The following GNAI1 variants were observed in gnomAD, a reference collection of about 807,000 sequenced individuals.
The protein encoded by GNAI1 is G protein subunit alpha i1.
GNAI1 carries 11 observed loss-of-function variants against 38.9 expected under a neutral mutation model. That is an observed-to-expected ratio of 0.28 (90% confidence interval 0.18 to 0.47). The LOEUF (loss-of-function observed/expected upper bound fraction) is 0.47, where lower values mean the gene tolerates loss of function less well. Among genes scored for constraint, GNAI1 ranks in the 20% least tolerant of loss-of-function variants. The probability of loss-of-function intolerance (pLI) is 0.99; values close to 1 mark genes in which losing one functional copy is unlikely to be tolerated. For synonymous variants in GNAI1, 166 were observed against 145.1 expected (o/e 1.14, Z -1.04); for missense variants, 317 against 436.9 (o/e 0.73, Z 2.45).
At chr7:80,194,668 C>T (rs899082283) in intron 3 of GNAI1, among the ~76,000 whole-genome samples, 1 of 152,016 alleles carries the variant, frequency 6.6e-6, no homozygotes, top group Non-Finnish European at 1.5e-5. Context: ...TTTTATTTCT[C>T]TTCAGGTGGC....
chr7:80,169,141 G>T (rs56266009), intron 1 of GNAI1, among the ~76,000 whole-genome samples: 9,860 of 152,122 alleles, frequency 0.065, 1,084 homozygotes, highest in African/African-American at 0.23. Flanking sequence ...TTTAAAATAG[G>T]GGGTAAGAAC....
At chr7:80,186,128 G>A (rs138840002) in intron 1 of GNAI1, among the ~76,000 whole-genome samples, 18 of 150,712 alleles carry the variant, frequency 1.2e-4, no homozygotes, top group African/African-American at 4.2e-4. Flanking sequence ...TGCCTCCCGG[G>A]TTCAAGCAGC....
intron 1 of GNAI1, among the ~76,000 whole-genome samples, chr7:80,186,278 G>A (rs1031593945): frequency 2.6e-5 from 4 of 151,908 alleles, no homozygotes; most frequent in Admixed American, 6.6e-5. Flanking sequence ...TGATCTGCCC[G>A]CCTCAGCCTC....
At chr7:80,141,953 C>T (rs886648286) in intron 1 of GNAI1, among the ~76,000 whole-genome samples, 10 of 152,156 alleles carry the variant, frequency 6.6e-5, no homozygotes, top group Non-Finnish European at 1.3e-4. Flanking sequence ...CCATCCAAGT[C>T]CTCATCAGCA....
intron 1 of GNAI1, among the ~76,000 whole-genome samples, chr7:80,177,479 TTTG>T (rs375442198): frequency 1.4e-3 from 212 of 152,232 alleles, no homozygotes; most frequent in African/African-American, 5.0e-3. Context: ...GTACAAGGAA[TTTG>T]TTGTTGTTGC....
chr7:80,188,855 GGTGTGT>G (rs148159852), intron 1 of GNAI1, 90 bp from the exon 2 acceptor site: 24 of 700,260 alleles, frequency 3.4e-5, no homozygotes, highest in Non-Finnish European at 4.5e-5. Context: ...AGAGAGACTG[GGTGTGT>G]GTGTGTGTGT....
intron 5 of GNAI1, among the ~76,000 whole-genome samples, chr7:80,206,331 CTTTTT>C (rs991075752): frequency 6.6e-6 from 1 of 151,658 alleles, no homozygotes; most frequent in African/African-American, 2.4e-5. Context: ...GTTGCATATG[CTTTTT>C]TTTATTTTCA....
intron 6 of GNAI1, 120 bp from the exon 7 acceptor site, chr7:80,212,588 ATGTATTTT>A (rs1788893011): frequency 1.8e-6 from 1 of 551,134 alleles, no homozygotes; most frequent in Non-Finnish European, 3.1e-6. Context: ...AATGGCAGAA[ATGTATTTT>A]TGTGATACGT....
chr7:80,170,091 T>G (rs755502662), intron 1 of GNAI1, among the ~76,000 whole-genome samples: 27 of 152,226 alleles, frequency 1.8e-4, no homozygotes, highest in Admixed American at 3.3e-4. Flanking sequence ...TTGTCTTGTT[T>G]CCACCATTTT....
Position 80,134,837 on chromosome 7 carries a change from G to A in GNAI1, c.-324G>A, listed in dbSNP as rs1415721026. 2 of 175,646 alleles carry A rather than the reference G, an allele frequency of 1.1e-5. No individual in the cohort carries two copies. The highest frequency in any genetic ancestry group is 2.3e-3 in the Middle Eastern group (1 of 444). 10.9% of individuals were successfully genotyped at this position (175,646 alleles called of 1,614,324 possible). A position where few individuals can be genotyped will look rare whatever the true frequency, so the allele number is the denominator to read the frequency against. ...GCGGCGGCGCGCGGAGGCCGAGCTCGGCTGGGCTTGGCGAGGCTGCGGCGC... is the reference window on the plus strand; with the variant it reads ...GCGGCGGCGCGCGGAGGCCGAGCTCAGCTGGGCTTGGCGAGGCTGCGGCGC... On this transcript the variant is annotated 5_prime_UTR_variant, in exon 1 of 8. Transcript: ENST00000649796.
chr7:80,212,927 C>T lies in GNAI1; in HGVS notation c.874+58C>T, dbSNP rs558143886. 5.3e-6 allele frequency: 6 copies of T among 1,126,100 alleles called. No homozygotes were observed. In the East Asian group the frequency reaches 1.3e-4, roughly 25 times the overall value. The allele number at this position is 1,126,100 out of a possible 1,614,324, so 69.8% of individuals were successfully genotyped here. Reference sequence around the variant, plus strand: ...TTACATATTTCTAAGTGAAACTTCCCCTAAGGCAAGAATTCAGTTGTTAAT... The same window carrying T: ...TTACATATTTCTAAGTGAAACTTCCTCTAAGGCAAGAATTCAGTTGTTAAT... On this transcript the variant is annotated intron_variant, in intron 7 of 7. Transcript: ENST00000649796.
chr7:80,191,333 C>T (rs1204466644), intron 3 of GNAI1, among the ~76,000 whole-genome samples: 1 of 151,964 alleles, frequency 6.6e-6, no homozygotes, highest in East Asian at 1.9e-4. Flanking sequence ...TAAGAGTTTT[C>T]TGGACAAAAA....
intron 1 of GNAI1, among the ~76,000 whole-genome samples, chr7:80,143,891 TTTC>T (rs1423592621): frequency 6.8e-6 from 1 of 147,912 alleles, no homozygotes; most frequent in Non-Finnish European, 1.5e-5. Context: ...TTTATTGGCT[TTTC>T]TTAGCAAGGA....
rs1486570883 is a variant in GNAI1 at position 80,221,229 on chromosome 7, T to G, written c.*3736T>G. Reference sequence around the variant, plus strand: ...GCAAATAATTTAGTTTTGCTCTGCCTCCATTTATATCATCTGAAAATAAAT... The same window carrying G: ...GCAAATAATTTAGTTTTGCTCTGCCGCCATTTATATCATCTGAAAATAAAT... On this transcript the variant is annotated 3_prime_UTR_variant, in exon 8 of 8. Coordinates refer to ENST00000649796, the MANE Select transcript of GNAI1 (RefSeq NM_002069.6). 2.0e-5 allele frequency among the ~76,000 whole-genome samples: 3 copies of G among 152,164 alleles called. No homozygotes were observed. The highest frequency in any genetic ancestry group is 7.2e-5 in the African/African-American group (3 of 41,422).
At chr7:80,147,745 G>A (rs1787653693) in intron 1 of GNAI1, among the ~76,000 whole-genome samples, 1 of 152,144 alleles carries the variant, frequency 6.6e-6, no homozygotes, top group Non-Finnish European at 1.5e-5. Context: ...TTAGTGATAA[G>A]TAATTGCAAA....
chr7:80,179,560 G>A (rs1788254466), intron 1 of GNAI1, among the ~76,000 whole-genome samples: 3 of 152,190 alleles, frequency 2.0e-5, no homozygotes, highest in African/African-American at 4.8e-5. Flanking sequence ...TTAGTTGCCA[G>A]AAATTTGGGA....
At chr7:80,140,892 C>T (rs1470339901) in intron 1 of GNAI1, among the ~76,000 whole-genome samples, 3 of 152,092 alleles carry the variant, frequency 2.0e-5, no homozygotes, top group Non-Finnish European at 4.4e-5. Flanking sequence ...GAGGAGAATC[C>T]ATTCCCTTGC....
In GNAI1 at chr7:80,217,807, A is replaced by AT. The variant is rs774664838; in HGVS notation, c.*319dup. 5.9e-6 allele frequency: 1 copy of AT among 168,204 alleles called. No individual in the cohort carries two copies. Among genetic ancestry groups the AT allele is most frequent in the African/African-American group, 2.4e-5 (1 of 42,236 alleles). The allele number at this position is 168,204 out of a possible 1,614,324, so 10.4% of individuals were successfully genotyped here. The stretch of plus-strand genomic sequence containing the variant: ...ATTTATGACTTTAGTTTTCGACATT[A>AT]TTTTTAGGTTTTAAGAGTGGCAACT... On this transcript the variant is annotated 3_prime_UTR_variant, in exon 8 of 8. Transcript: ENST00000649796.
At chr7:80,178,529 C>T (rs1788233495) in intron 1 of GNAI1, among the ~76,000 whole-genome samples, 1 of 152,186 alleles carries the variant, frequency 6.6e-6, no homozygotes, top group Non-Finnish European at 1.5e-5. Flanking sequence ...AGTTGGCAGC[C>T]ATCACCATGG....
Sources: gnomAD v4.1 joint callset for allele counts (sites outside exome capture counted in the v4.1 genomes callset) on GRCh38, gnomAD v4.1.1 for gene constraint, MANE v1.5 for transcripts, NCBI Gene and HGNC (gene_info 2026-07-23, HGNC 2026-07-21) for gene names.